DENND5B: variants seen among roughly 807,000 people sequenced by gnomAD.
DENND5B encodes the protein DENN domain-containing protein 5B.
Under a neutral mutation model 140.6 loss-of-function variants are expected in DENND5B, and 34 were observed. The ratio of observed to expected loss-of-function variants is 0.24; its 90% CI spans 0.18 to 0.32. DENND5B has a LOEUF of 0.32. Ranked by LOEUF, DENND5B falls within the 10% of genes least tolerant of loss-of-function variation. DENND5B has a pLI of 1.00. For synonymous variants in DENND5B, 551 were observed against 562.1 expected, an observed-to-expected ratio of 0.98 and a Z score of 0.28; for missense variants, 1,142 against 1,560.2, an observed-to-expected ratio of 0.73 and a Z score of 4.52.
At chr12:31,498,898 G>A (rs377571493) in intron 1 of DENND5B, among the ~76,000 whole-genome samples, 2 of 151,206 alleles carry the variant, frequency 1.3e-5, no homozygotes, top group Non-Finnish European at 2.9e-5. Flanking sequence ...AGTTGAACCC[G>A]GGAGGTGGGG....
chr12:31,462,483 T>C (rs552996393), intron 3 of DENND5B, among the ~76,000 whole-genome samples: 2 of 152,216 alleles, frequency 1.3e-5, no homozygotes, highest in African/African-American at 4.8e-5. Context: ...ATTATGGCAC[T>C]TGGCCCCCGT....
intron 1 of DENND5B, among the ~76,000 whole-genome samples, chr12:31,546,762 C>T (rs1423994880): frequency 1.3e-5 from 2 of 152,110 alleles, no homozygotes; most frequent in Non-Finnish European, 2.9e-5. Context: ...CTAAAAGACC[C>T]AGGGAGGAGT....
At chr12:31,572,028 C>G (rs1293648060) in intron 1 of DENND5B, among the ~76,000 whole-genome samples, 7 of 152,082 alleles carry the variant, frequency 4.6e-5, no homozygotes, top group Non-Finnish European at 1.0e-4. Context: ...AGCTCAAGAC[C>G]AGCCTGACCA....
intron 2 of DENND5B, among the ~76,000 whole-genome samples, chr12:31,485,805 A>T (rs1413176236): frequency 6.6e-6 from 1 of 152,196 alleles, no homozygotes; most frequent in African/African-American, 2.4e-5. Context: ...GGCAACATAT[A>T]AAAAGTTTAG....
intron 1 of DENND5B, among the ~76,000 whole-genome samples, chr12:31,496,363 C>T (rs1946761853): frequency 6.6e-6 from 1 of 152,120 alleles, no homozygotes; most frequent in Admixed American, 6.6e-5. Context: ...CTTGAGTTTC[C>T]ACAAAAATCT....
chr12:31,424,480 T>C (rs994278268), intron 10 of DENND5B, 55 bp downstream of exon 10: 3 of 1,514,356 alleles, frequency 2.0e-6, no homozygotes, highest in African/African-American at 2.8e-5. Flanking sequence ...CCTTGTTACA[T>C]TTCTTAACAG....
chr12:31,583,653 G>A (rs895348861), intron 1 of DENND5B, among the ~76,000 whole-genome samples: 2 of 151,772 alleles, frequency 1.3e-5, no homozygotes, highest in Admixed American at 6.6e-5. Context: ...ACTCCAGCCC[G>A]GGCAACAGAG....
Position 31,432,040 on chromosome 12 carries a change from T to C in DENND5B, c.2106+1115A>G, listed in dbSNP as rs534530541. On this transcript the variant is annotated intron_variant, in intron 8 of 20. Transcript: ENST00000389082. ...GTAAAGCACTTTCAAGCAAAGAACA[T>C]ACCAGGCAGCACTCAGAGAAGGATT... 1.0e-5 allele frequency: 10 copies of C among 984,626 alleles called. No individual in the cohort carries two copies. In the East Asian group the frequency reaches 8.0e-4, roughly 79 times the overall value. The allele number at this position is 984,626 out of a possible 1,614,324, so 61.0% of individuals were successfully genotyped here. A position where few individuals can be genotyped will look rare whatever the true frequency, so the allele number is the denominator to read the frequency against.
At chr12:31,542,791 A>G (rs369433998) in intron 1 of DENND5B, among the ~76,000 whole-genome samples, 2 of 152,122 alleles carry the variant, frequency 1.3e-5, no homozygotes, top group South Asian at 4.1e-4. Flanking sequence ...CCCCATCTCT[A>G]TGAAAAAATA....
rs1460614135 is a variant in DENND5B, at chr12:31,480,127, T to G, written c.366A>C (p.Glu122Asp). 2 of 1,612,492 alleles carry G rather than the reference T, an allele frequency of 1.2e-6. No individual in the cohort carries two copies. The highest frequency in any genetic ancestry group is 1.7e-6 in the Non-Finnish European group (2 of 1,179,160). Residue 122 changes from glutamate (E) to aspartate (D), a missense_variant, in exon 3 of 21, where the codon GAA becomes GAC. Glu to Asp is a conservative substitution (Grantham distance 45, BLOSUM62 2). Transcript: ENST00000389082. ...CTGTGCAGATTTGCTTACTTGTAAC[T>G]TCTTCATAAAAAGTGAGAACAAAAC... ...TYGFVLTFYE[E>D]VTSKQICTAM...
intron 2 of DENND5B, among the ~76,000 whole-genome samples, chr12:31,489,811 G>C (rs539084579): frequency 3.3e-4 from 51 of 152,296 alleles, no homozygotes; most frequent in Non-Finnish European, 6.0e-4. Context: ...ACGGTGGAAG[G>C]TGATGGTCAG....
chr12:31,557,814 CAAAAAA>C (rs71445804), intron 1 of DENND5B, among the ~76,000 whole-genome samples: 2 of 80,972 alleles, frequency 2.5e-5, no homozygotes, highest in African/African-American at 4.5e-5. Context: ...GCTGTGGTGG[CAAAAAA>C]AAAAAAAAAA....
chr12:31,499,111 A>G (rs1946900925), intron 1 of DENND5B, among the ~76,000 whole-genome samples: 1 of 152,140 alleles, frequency 6.6e-6, no homozygotes, highest in Non-Finnish European at 1.5e-5. Context: ...CATTTTAAAC[A>G]CAAGTTTTAC....
intron 11 of DENND5B, among the ~76,000 whole-genome samples, chr12:31,422,754 T>C (rs1273033594): frequency 3.9e-5 from 6 of 152,134 alleles, no homozygotes; most frequent in South Asian, 2.1e-4. Context: ...GAAAAGCATG[T>C]GTTGTTGTGA....
intron 1 of DENND5B, among the ~76,000 whole-genome samples, chr12:31,587,669 T>G (rs1404132052): frequency 6.8e-6 from 1 of 147,318 alleles, no homozygotes; most frequent in African/African-American, 2.5e-5. Flanking sequence ...TGCCTCAGCC[T>G]CCAGAGTAAC....
At chr12:31,584,652 C>T (rs776257895) in intron 1 of DENND5B, among the ~76,000 whole-genome samples, 4 of 151,640 alleles carry the variant, frequency 2.6e-5, no homozygotes, top group Non-Finnish European at 4.4e-5. Flanking sequence ...GATGGCAAAA[C>T]CCCATCTCTA....
At position 31,504,967 on chromosome 12, in the gene DENND5B, G is replaced by C. The variant is rs1947137823; in HGVS notation, c.128-9048C>G. ...TTGAGTCACTAAATATCTTTGTGAA[G>C]TAGAGTGCCTCCCACCTTGGCCTAC... On this transcript the variant is annotated intron_variant, in intron 1 of 20. Transcript: ENST00000389082. Among the ~76,000 whole-genome samples the C allele has an allele frequency of 2.6e-5, 4 of 152,178 alleles. No individual in the cohort carries two copies. The South Asian group carries it at 8.3e-4, about 32-fold the overall frequency.
chr12:31,500,297 A>G (rs1317364306), intron 1 of DENND5B: 19 of 428,976 alleles, frequency 4.4e-5, no homozygotes, highest in Middle Eastern at 7.5e-4. Context: ...AAAAGTTTCA[A>G]ATTTTGGAGT....
chr12:31,579,178 T>C (rs548049822), intron 1 of DENND5B, among the ~76,000 whole-genome samples: 2 of 152,332 alleles, frequency 1.3e-5, no homozygotes, highest in South Asian at 4.1e-4. Context: ...CAAGAGTTAA[T>C]TTCAAATAAA....
Sources: gnomAD v4.1 joint callset for allele counts (sites outside exome capture counted in the v4.1 genomes callset) on GRCh38, gnomAD v4.1.1 for gene constraint, MANE v1.5 for transcripts, NCBI Gene and HGNC (gene_info 2026-07-23, HGNC 2026-07-21) for gene names.